DIP2C: variants seen among roughly 807,000 people sequenced by gnomAD.
DIP2C encodes DIP2 acetate--CoA ligase C (putative), also known as disco-interacting protein 2 homolog C.
In DIP2C, 33 loss-of-function variants were observed where a neutral mutation model predicts 192.4. The observed-to-expected ratio is 0.17, with a 90% CI of 0.13 to 0.23. DIP2C has a LOEUF of 0.23. Among genes scored for constraint, DIP2C ranks in the 10% least tolerant of loss-of-function variants. The pLI, the probability that DIP2C is intolerant of heterozygous loss-of-function variation, is 1.00. For synonymous variants in DIP2C, 979 were observed against 864.1 expected, an observed-to-expected ratio of 1.13 and a Z score of -2.33; for missense variants, 1,537 against 2,110.1, an observed-to-expected ratio of 0.73 and a Z score of 5.32.
At chr10:308,146 C>G (rs1956412446) in intron 32 of DIP2C, among the ~76,000 whole-genome samples, 1 of 152,224 alleles carries the variant, frequency 6.6e-6, no homozygotes, top group Admixed American at 6.5e-5. Context: ...CACTTTACAG[C>G]CAGACTTTGC....
chr10:567,166 C>G (rs1849508844), intron 1 of DIP2C, among the ~76,000 whole-genome samples: 1 of 150,304 alleles, frequency 6.7e-6, no homozygotes, highest in Non-Finnish European at 1.5e-5. Context: ...GGAGGACAGG[C>G]ACCGGTTTTG....
rs1237212302 is a variant in DIP2C at position 499,589 on chromosome 10, C to G, written c.86-13059G>C. On this transcript the variant is annotated intron_variant, in intron 1 of 36. Coordinates refer to ENST00000280886, the MANE Select transcript of DIP2C (RefSeq NM_014974.3). ...ACCATATAATATCTGACAGAGCAGC[C>G]AAGGGCTGGTGGCTGCAGGTCGCAG... is the stretch of plus-strand genomic sequence containing the variant. Among the ~76,000 whole-genome samples, 4 of 152,268 alleles carry G rather than the reference C, an allele frequency of 2.6e-5. No individual in the cohort carries two copies. In the East Asian group the frequency reaches 7.7e-4, roughly 29 times the overall value.
chr10:443,151 C>T (rs1967883100), intron 3 of DIP2C, among the ~76,000 whole-genome samples: 1 of 152,132 alleles, frequency 6.6e-6, no homozygotes, highest in African/African-American at 2.4e-5. Flanking sequence ...ACTCACATTG[C>T]AATTAAGATT....
chr10:619,535 C>T (rs1037788789), intron 1 of DIP2C, among the ~76,000 whole-genome samples: 23 of 113,556 alleles, frequency 2.0e-4, no homozygotes, highest in Middle Eastern at 8.7e-3. Context: ...CCAAGCCCGC[C>T]CGCCCGCCCT....
At position 585,306 on chromosome 10, in the gene DIP2C, CAG is replaced by C. The variant is rs376729126; in HGVS notation, c.86-98778_86-98777del. 1.9e-4 allele frequency among the ~76,000 whole-genome samples: 29 copies of C among 152,366 alleles called. 1 individual carries two copies. In the East Asian group the frequency reaches 3.9e-3, roughly 20 times the overall value. On this transcript the variant is annotated intron_variant, in intron 1 of 36. Coordinates refer to ENST00000280886, the MANE Select transcript of DIP2C (RefSeq NM_014974.3). ...GGGCATCGCCCTCACAAGCTGGAAA[CAG>C]AGGACCAAGCTGACAGGAGGCCTCT... is the stretch of plus-strand genomic sequence containing the variant.
chr10:500,069 G>GCC (rs1193285770), intron 1 of DIP2C, among the ~76,000 whole-genome samples: 1 of 152,178 alleles, frequency 6.6e-6, no homozygotes. Flanking sequence ...TAAAACTAGG[G>GCC]CCCCCTCAGC....
At chr10:614,017 C>T (rs938177557) in intron 1 of DIP2C, among the ~76,000 whole-genome samples, 1 of 152,190 alleles carries the variant, frequency 6.6e-6, no homozygotes, top group African/African-American at 2.4e-5. Context: ...AAACCAGTGC[C>T]TGCATTCAAC....
chr10:301,640 G>A (rs1472469314), intron 32 of DIP2C, among the ~76,000 whole-genome samples: 2 of 152,236 alleles, frequency 1.3e-5, no homozygotes, highest in East Asian at 1.9e-4. Flanking sequence ...TTCTAAAAAA[G>A]GAGAGACAAA....
intron 32 of DIP2C, among the ~76,000 whole-genome samples, chr10:301,290 C>T (rs1291983635): frequency 6.6e-6 from 1 of 152,124 alleles, no homozygotes; most frequent in Non-Finnish European, 1.5e-5. Context: ...TTTATCACGT[C>T]ATGTTTACAT....
At chr10:596,984 C>T (rs1263032996) in intron 1 of DIP2C, among the ~76,000 whole-genome samples, 1 of 152,226 alleles carries the variant, frequency 6.6e-6, no homozygotes, top group East Asian at 1.9e-4. Context: ...CCCGGGGTGC[C>T]CAGGTGGCTG....
At chr10:508,380 C>T (rs939474676) in intron 1 of DIP2C, among the ~76,000 whole-genome samples, 23 of 152,328 alleles carry the variant, frequency 1.5e-4, no homozygotes, top group Admixed American at 3.3e-4. Context: ...TCCCTTGCTC[C>T]CCAGCGTTAA....
intron 1 of DIP2C, among the ~76,000 whole-genome samples, chr10:597,980 A>T (rs1353580630): frequency 6.6e-6 from 1 of 152,142 alleles, no homozygotes; most frequent in Non-Finnish European, 1.5e-5. Context: ...CCCTACCTGG[A>T]CTCTGGGGCT....
chr10:622,291 G>A (rs1202189772), intron 1 of DIP2C, among the ~76,000 whole-genome samples: 3 of 85,004 alleles, frequency 3.5e-5, no homozygotes, highest in Non-Finnish European at 7.4e-5. Context: ...GGAGGGGGAG[G>A]GAGGGAGGAG....
chr10:425,043 C>G (rs1378425939), intron 4 of DIP2C, among the ~76,000 whole-genome samples: 5 of 127,290 alleles, frequency 3.9e-5, no homozygotes, highest in Non-Finnish European at 8.1e-5. Flanking sequence ...ACAGCATGAC[C>G]AGCGGTGACT....
At chr10:340,578 TTTC>T (rs1222004996) in intron 29 of DIP2C, 7 of 355,466 alleles carry the variant, frequency 2.0e-5, no homozygotes, top group South Asian at 8.4e-5. Flanking sequence ...ATGGCTTTAT[TTTC>T]TTCTTCATAT....
At chr10:520,580 C>G (rs1846637476) in intron 1 of DIP2C, among the ~76,000 whole-genome samples, 1 of 152,180 alleles carries the variant, frequency 6.6e-6, no homozygotes, top group Non-Finnish European at 1.5e-5. Context: ...ACTCACTGAG[C>G]CACGTGCCCT....
chr10:583,183 G>A (rs1264527776), intron 1 of DIP2C, among the ~76,000 whole-genome samples: 1 of 152,206 alleles, frequency 6.6e-6, no homozygotes, highest in African/African-American at 2.4e-5. Flanking sequence ...ATAGGAAAAA[G>A]AACGTTGTAC....
intron 17 of DIP2C, 177 bp from the exon 18 acceptor site, chr10:369,810 A>G: frequency 7.6e-7 from 1 of 1,313,716 alleles, no homozygotes; most frequent in South Asian, 1.4e-5. Context: ...GTTTATGAAC[A>G]GCTGGCAGCG....
intron 1 of DIP2C, among the ~76,000 whole-genome samples, chr10:558,451 T>TCACC (rs1849025134): frequency 6.6e-6 from 1 of 152,106 alleles, no homozygotes; most frequent in Admixed American, 6.5e-5. Flanking sequence ...TGCAGTTGTA[T>TCACC]CACCACGAGC....
Sources: gnomAD v4.1 joint callset for allele counts (sites outside exome capture counted in the v4.1 genomes callset) on GRCh38, gnomAD v4.1.1 for gene constraint, MANE v1.5 for transcripts, NCBI Gene and HGNC (gene_info 2026-07-23, HGNC 2026-07-21) for gene names.